The following ANK3 variants were observed in gnomAD, a reference collection of about 807,000 sequenced individuals.
The protein encoded by ANK3 is ankyrin-3.
ANK3 carries 57 observed loss-of-function variants against 370.9 expected under a neutral mutation model. The observed-to-expected ratio is 0.15, with a 90% CI of 0.12 to 0.19. The LOEUF is 0.19. Among genes scored for constraint, ANK3 ranks in the 10% least tolerant of loss-of-function variants. The pLI is 1.00. For synonymous variants in ANK3, 1,929 were observed against 1,946.3 expected (o/e 0.99, Z 0.23); for missense variants, 4,439 against 5,302.1 (o/e 0.84, Z 5.06).
At chr10:60,473,625 G>A (rs948027814) in intron 2 of ANK3, among the ~76,000 whole-genome samples, 3 of 152,078 alleles carry the variant, frequency 2.0e-5, no homozygotes, top group South Asian at 4.1e-4. Context: ...ACTAGGTAAT[G>A]CAATTCACTG....
chr10:60,668,747 A>C (rs1177581419), intron 1 of ANK3, among the ~76,000 whole-genome samples: 1 of 152,100 alleles, frequency 6.6e-6, no homozygotes, highest in Non-Finnish European at 1.5e-5. Flanking sequence ...TAATCCCAGC[A>C]CTTTGGGAGG....
At chr10:60,047,966 G>A (rs2077227260) in intron 42 of ANK3, among the ~76,000 whole-genome samples, 2 of 151,956 alleles carry the variant, frequency 1.3e-5, no homozygotes, top group Admixed American at 6.6e-5. Context: ...TCATTCTATA[G>A]GAGTTTGAAA....
At chr10:60,381,954 T>C (rs990775939) in intron 1 of ANK3, among the ~76,000 whole-genome samples, 5 of 152,194 alleles carry the variant, frequency 3.3e-5, no homozygotes, top group Admixed American at 2.6e-4. Flanking sequence ...TCGCTCCTTA[T>C]TGCTTGCCTG....
chr10:60,286,432 T>A (rs2040053601), intron 1 of ANK3, among the ~76,000 whole-genome samples: 1 of 152,174 alleles, frequency 6.6e-6, no homozygotes, highest in Admixed American at 6.6e-5. Flanking sequence ...AATTTATAAT[T>A]GCTAACATAT....
intron 2 of ANK3, among the ~76,000 whole-genome samples, chr10:60,529,546 A>G (rs1034099451): frequency 6.6e-6 from 1 of 152,188 alleles, no homozygotes; most frequent in Non-Finnish European, 1.5e-5. Flanking sequence ...AAATACATAC[A>G]TATAGTAAGC....
chr10:60,091,851 C>G (rs1230870144), intron 28 of ANK3, among the ~76,000 whole-genome samples: 1 of 152,014 alleles, frequency 6.6e-6, no homozygotes, highest in African/African-American at 2.4e-5. Context: ...CTGCCTCAGC[C>G]TCCCGAGTAG....
At chr10:60,696,615 T>G (rs1042795388) in intron 1 of ANK3, among the ~76,000 whole-genome samples, 2 of 148,504 alleles carry the variant, frequency 1.3e-5, no homozygotes, top group Admixed American at 1.3e-4. Flanking sequence ...AATCAATAAA[T>G]GTAATCCAGC....
At chr10:60,500,659 G>A (rs2075773508) in intron 2 of ANK3, among the ~76,000 whole-genome samples, 1 of 152,160 alleles carries the variant, frequency 6.6e-6, no homozygotes, top group South Asian at 2.1e-4. Context: ...AAGCAACTGG[G>A]ATAATGTTTT....
At chr10:60,564,837 T>G (rs1345871467) in intron 2 of ANK3, among the ~76,000 whole-genome samples, 1 of 152,194 alleles carries the variant, frequency 6.6e-6, no homozygotes, top group Non-Finnish European at 1.5e-5. Context: ...TAGTTTTTAT[T>G]CTTAAGATGG....
intron 17 of ANK3, among the ~76,000 whole-genome samples, chr10:60,183,874 G>A (rs915540925): frequency 1.1e-4 from 17 of 150,132 alleles, no homozygotes; most frequent in African/African-American, 3.4e-4. Context: ...AAAAAAAAAA[G>A]GTATTTATTT....
chr10:60,150,510 G>A (rs1394686473), intron 23 of ANK3, among the ~76,000 whole-genome samples: 1 of 152,098 alleles, frequency 6.6e-6, no homozygotes, highest in Non-Finnish European at 1.5e-5. Context: ...GGATGTCTGT[G>A]CCCTCCAAAT....
chr10:60,324,241 T>C (rs1019353043), intron 1 of ANK3, among the ~76,000 whole-genome samples: 4 of 152,198 alleles, frequency 2.6e-5, no homozygotes, highest in African/African-American at 9.6e-5. Context: ...TCCTTAGACA[T>C]GGACAGTTGG....
chr10:60,175,334 C>T (rs1317468154), intron 18 of ANK3, among the ~76,000 whole-genome samples: 7 of 152,242 alleles, frequency 4.6e-5, no homozygotes, highest in Non-Finnish European at 1.0e-4. Context: ...GGGTTAACAG[C>T]ATTCCCATAC....
intron 5 of ANK3, among the ~76,000 whole-genome samples, chr10:60,267,939 T>A (rs1463522808): frequency 6.6e-6 from 1 of 152,208 alleles, no homozygotes; most frequent in Non-Finnish European, 1.5e-5. Flanking sequence ...TGTATCGTAG[T>A]GTGCTTAGAA....
chr10:60,321,159 G>T (rs1339473616), intron 1 of ANK3, among the ~76,000 whole-genome samples: 1 of 152,086 alleles, frequency 6.6e-6, no homozygotes, highest in African/African-American at 2.4e-5. Context: ...GGGAGTCTGA[G>T]GCAGGAAGAT....
At chr10:60,639,111 G>A (rs2078594461) in intron 1 of ANK3, among the ~76,000 whole-genome samples, 1 of 151,818 alleles carries the variant, frequency 6.6e-6, no homozygotes, top group African/African-American at 2.4e-5. Context: ...AAATGATAAA[G>A]AAAATATGCT....
intron 2 of ANK3, among the ~76,000 whole-genome samples, chr10:60,598,883 T>C (rs1303874448): frequency 1.3e-5 from 2 of 152,170 alleles, no homozygotes; most frequent in Non-Finnish European, 2.9e-5. Context: ...AAATTAACTG[T>C]TAAAGACAAA....
intron 2 of ANK3, among the ~76,000 whole-genome samples, chr10:60,585,298 T>A (rs190159152): frequency 6.6e-6 from 1 of 152,228 alleles, no homozygotes; most frequent in East Asian, 1.9e-4. Context: ...GCCTGTAAGT[T>A]TTATGTATAT....
At position 60,080,572 on chromosome 10, in the gene ANK3, C is replaced by CTTT. The variant is rs962819188; in HGVS notation, c.4396_4397insAAA (p.Arg1466delinsGlnSer). The CTTT allele has an allele frequency of 1.2e-5, 19 of 1,610,892 alleles. No homozygotes were observed. Among genetic ancestry groups the CTTT allele is most frequent in the Admixed American group, 1.7e-5 (1 of 59,538 alleles). ...CTCAGTCAAGTAGCTGTAGCGCTTA[C>CTTT]GTAAAGCTAAGGATGCGAAGCTCTG... On this transcript the variant is annotated protein_altering_variant, in exon 36 of 44. Transcript: ENST00000280772.
Sources: gnomAD v4.1 joint callset for allele counts (sites outside exome capture counted in the v4.1 genomes callset) on GRCh38, gnomAD v4.1.1 for gene constraint, MANE v1.5 for transcripts, NCBI Gene and HGNC (gene_info 2026-07-23, HGNC 2026-07-21) for gene names.